The following ZNRF3 variants were observed in gnomAD, a reference collection of about 807,000 sequenced individuals.
The protein encoded by ZNRF3 is zinc and ring finger 3, also known as E3 ubiquitin-protein ligase ZNRF3.
Under a neutral mutation model 72.5 loss-of-function variants are expected in ZNRF3, and 23 were observed. That is an observed-to-expected ratio of 0.32 (90% CI 0.23 to 0.45). ZNRF3 has a LOEUF of 0.45. ZNRF3 is among the 20% of genes least tolerant of loss of function. The pLI, the probability that ZNRF3 is intolerant of heterozygous loss-of-function variation, is 1.00. For synonymous variants in ZNRF3, 610 were observed against 545.3 expected, an observed-to-expected ratio of 1.12 and a Z score of -1.65; for missense variants, 1,169 against 1,272.1, an observed-to-expected ratio of 0.92 and a Z score of 1.23.
At chr22:28,968,431 T>C in intron 1 of ZNRF3, among the ~76,000 whole-genome samples, 1 of 152,192 alleles carries the variant, frequency 6.6e-6, no homozygotes, top group Non-Finnish European at 1.5e-5. Flanking sequence ...ATTGTCAGGC[T>C]GAGTATGGTG....
chr22:28,946,514 G>C (rs1338997368), intron 1 of ZNRF3, among the ~76,000 whole-genome samples: 1 of 152,182 alleles, frequency 6.6e-6, no homozygotes, highest in Non-Finnish European at 1.5e-5. Context: ...TTTGGGAATT[G>C]GTGTTTGGAC....
At position 29,007,752 on chromosome 22, in the gene ZNRF3, C is replaced by CTTTTTTT. The variant is rs943507617; in HGVS notation, c.426+20567_426+20573dup. ...CCTTTCATAGAAATTCCATTTCTTC[C>CTTTTTTT]TTTTTTTTTTTTTTTTTTTTTTGAG... is the stretch of plus-strand genomic sequence containing the variant. On this transcript the variant is annotated intron_variant, in intron 2 of 8. Coordinates refer to ENST00000544604, the MANE Select transcript of ZNRF3 (RefSeq NM_001206998.2). Among the ~76,000 whole-genome samples the CTTTTTTT allele has an allele frequency of 4.5e-3, 198 of 43,594 alleles. 1 individual carries two copies. Among genetic ancestry groups the CTTTTTTT allele is most frequent in the African/African-American group, 8.1e-3 (111 of 13,702 alleles). The allele number at this position is 43,594 out of a possible 152,430, so 28.6% of individuals were successfully genotyped here.
intron 2 of ZNRF3, among the ~76,000 whole-genome samples, chr22:28,990,504 G>A (rs979375564): frequency 4.6e-5 from 7 of 152,094 alleles, no homozygotes; most frequent in Admixed American, 3.3e-4. Flanking sequence ...GGCCAATATG[G>A]CGAAATCCCA....
At chr22:29,023,091 C>A (rs2036567805) in intron 2 of ZNRF3, among the ~76,000 whole-genome samples, 1 of 152,136 alleles carries the variant, frequency 6.6e-6, no homozygotes, top group Non-Finnish European at 1.5e-5. Flanking sequence ...TACAGGAATT[C>A]TGTAATTCTG....
Position 28,961,831 on chromosome 22 carries a change from C to G in ZNRF3, c.301-25245C>G, listed in dbSNP as rs533576489. On this transcript the variant is annotated intron_variant, in intron 1 of 8. Transcript: ENST00000544604. The stretch of plus-strand genomic sequence containing the variant: ...TACTTGACCACCCACTGGTATCTGA[C>G]CCCAAAAGACCTTCCTTGCTGACTT... 1.4e-4 allele frequency among the ~76,000 whole-genome samples: 21 copies of G among 152,292 alleles called. 1 individual carries two copies. Among genetic ancestry groups the G allele is most frequent in the African/African-American group, 4.6e-4 (19 of 41,562 alleles).
intron 1 of ZNRF3, among the ~76,000 whole-genome samples, chr22:28,970,789 T>C (rs997677967): frequency 8.5e-5 from 13 of 152,302 alleles, no homozygotes; most frequent in Middle Eastern, 3.4e-3. Flanking sequence ...TTTCCGTTTA[T>C]GTGGAATTCC....
chr22:28,961,279 G>A (rs2035353687), intron 1 of ZNRF3, among the ~76,000 whole-genome samples: 1 of 152,232 alleles, frequency 6.6e-6, no homozygotes, highest in Non-Finnish European at 1.5e-5. Flanking sequence ...TGGGGGTTAA[G>A]TTCCAAAGTG....
intron 2 of ZNRF3, among the ~76,000 whole-genome samples, chr22:29,028,726 CA>C (rs1312423306): frequency 6.6e-6 from 1 of 152,200 alleles, no homozygotes; most frequent in Admixed American, 6.5e-5. Context: ...ACCTCCCTTG[CA>C]GAGTTGCTCT....
chr22:29,029,981 G>A (rs1001232476), intron 2 of ZNRF3, among the ~76,000 whole-genome samples: 7 of 152,118 alleles, frequency 4.6e-5, no homozygotes, highest in Admixed American at 4.6e-4. Flanking sequence ...TATAAGATTT[G>A]GCCTGAAGTG....
chr22:28,917,197 C>T (rs1273531799), intron 1 of ZNRF3, among the ~76,000 whole-genome samples: 1 of 151,908 alleles, frequency 6.6e-6, no homozygotes, highest in Non-Finnish European at 1.5e-5. Flanking sequence ...CCACAGGAAA[C>T]TAAGGACTGC....
At chr22:29,008,653 T>C (rs960302173) in intron 2 of ZNRF3, among the ~76,000 whole-genome samples, 14 of 152,158 alleles carry the variant, frequency 9.2e-5, no homozygotes, top group Admixed American at 1.3e-4. Flanking sequence ...TTCACAGCTG[T>C]GTGTGTGGAA....
intron 1 of ZNRF3, among the ~76,000 whole-genome samples, chr22:28,985,733 C>T (rs116697396): frequency 0.022 from 3,344 of 152,292 alleles, 46 homozygotes; most frequent in African/African-American, 0.048. Context: ...TTTCTGTTCT[C>T]ATCTGTAAAA....
chr22:28,901,932 C>CTTTT (rs398036773), intron 1 of ZNRF3, among the ~76,000 whole-genome samples: 2 of 112,980 alleles, frequency 1.8e-5, no homozygotes, highest in African/African-American at 3.3e-5. Context: ...TTTAAGTTAA[C>CTTTT]TTTTTTTTTT....
chr22:29,044,089 G>A (rs542332020), intron 4 of ZNRF3, among the ~76,000 whole-genome samples: 1 of 152,186 alleles, frequency 6.6e-6, no homozygotes, highest in Non-Finnish European at 1.5e-5. Context: ...CAAATATTGG[G>A]ACATTCACAG....
At position 28,883,959 on chromosome 22, in the gene ZNRF3, C is replaced by G; in HGVS notation, c.193C>G (p.Leu65Val). Residue 65 changes from leucine to valine, a missense_variant, in exon 1 of 9, where the codon CTG becomes GTG. Physicochemically the swap from Leu to Val is conservative, Grantham distance 32. Transcript: ENST00000544604. The surrounding 1 kb of genome is among the most constrained non-coding windows in gnomAD (Gnocchi z 5.5). ...GGAGACGGCGTTCGTGGAGGTGGTG[C>G]TGTTCGAGTCGAGCCCAAGCGGCGA... ...AKETAFVEVV[L>V]FESSPSGDYT... is the part of the protein sequence containing the mutation. 1 of 1,292,270 alleles carries G rather than the reference C, an allele frequency of 7.7e-7. No homozygotes were observed. The highest frequency in any genetic ancestry group is 1.0e-6 in the Non-Finnish European group (1 of 1,000,982). The allele number at this position is 1,292,270 out of a possible 1,614,324, so 80.1% of individuals were successfully genotyped here.
intron 1 of ZNRF3, among the ~76,000 whole-genome samples, chr22:28,918,553 TGTG>T (rs2034451621): frequency 7.1e-6 from 1 of 141,754 alleles, no homozygotes; most frequent in African/African-American, 3.0e-5. Context: ...TGTGTGTGTG[TGTG>T]TGTGTGTGTG....
At chr22:28,973,901 T>A (rs1282672626) in intron 1 of ZNRF3, among the ~76,000 whole-genome samples, 1 of 151,810 alleles carries the variant, frequency 6.6e-6, no homozygotes, top group Non-Finnish European at 1.5e-5. Flanking sequence ...TTGTAAGAAA[T>A]TCTCCAAATA....
intron 1 of ZNRF3, among the ~76,000 whole-genome samples, chr22:28,976,459 T>C (rs558887917): frequency 1.6e-4 from 25 of 152,250 alleles, no homozygotes; most frequent in Non-Finnish European, 3.4e-4. Context: ...TGAGCCAAGA[T>C]TGTGCCTCTA....
chr22:28,985,388 T>C (rs1275230083), intron 1 of ZNRF3, among the ~76,000 whole-genome samples: 3 of 152,136 alleles, frequency 2.0e-5, no homozygotes, highest in Non-Finnish European at 4.4e-5. Context: ...AACTGACCTC[T>C]CTCTCTCGTT....
Sources: allele counts gnomAD v4.1 joint callset (sites outside exome capture counted in the v4.1 genomes callset), GRCh38; gene constraint gnomAD v4.1.1; non-coding constraint Gnocchi (gnomAD v3.1); transcripts MANE v1.5; gene names NCBI Gene and HGNC (gene_info 2026-07-23, HGNC 2026-07-21).